CFAP300: variants seen among roughly 807,000 people sequenced by gnomAD.
The protein encoded by CFAP300 is cilia and flagella associated protein 300, also known as cilia- and flagella-associated protein 300.
In CFAP300, 32 loss-of-function variants were observed where a neutral mutation model predicts 33.0. The observed-to-expected ratio is 0.97, with a 90% confidence interval of 0.73 to 1.30. The LOEUF (loss-of-function observed/expected upper bound fraction) is 1.30. CFAP300 is among the 50% of genes most tolerant of loss of function. CFAP300 has a pLI of 0.00. For synonymous variants in CFAP300, 102 were observed against 106.8 expected (o/e 0.95, Z 0.28); for missense variants, 356 against 318.1 (o/e 1.12, Z -0.90).
Position 102,083,186 on chromosome 11 carries a change from G to A in CFAP300, c.791G>A (p.Gly264Glu), listed in dbSNP as rs1241934904. ...GTTTTATACCACTGTTATGGTGTGG[G>A]AGACATGTCTTAATGTTCTTTCAGA... ...LHVLYHCYGV[G>E]DMS Residue 264 changes from glycine (G) to glutamate (E), a missense_variant, in exon 7 of 7, where the codon GGA becomes GAA. Coordinates refer to ENST00000434758, the MANE Select transcript of CFAP300 (RefSeq NM_032930.3). 2 of 1,512,880 alleles carry A rather than the reference G, an allele frequency of 1.3e-6. No individual in the cohort carries two copies. The highest frequency in any genetic ancestry group is 1.8e-6 in the Non-Finnish European group (2 of 1,125,288). 93.7% of individuals were successfully genotyped at this position (1,512,880 alleles called of 1,614,324 possible).
At position 102,075,983 on chromosome 11, in the gene CFAP300, A is replaced by G. The variant is rs767227461; in HGVS notation, c.546A>G (p.Gln182=). 2 of 1,613,842 alleles carry G rather than the reference A, an allele frequency of 1.2e-6. No homozygotes were observed. The highest frequency in any genetic ancestry group is 1.7e-6 in the Non-Finnish European group (2 of 1,179,928). The change falls in exon 5 of 7, where the codon CAA becomes CAG. Residue 182 remains glutamine, a synonymous_variant. Transcript: ENST00000434758. The part of the protein sequence containing the change: ...KHLCLGGALC[Q]YEDVISPYLE... ...TTTGCCTTGGTGGAGCCCTTTGTCA[A>G]TATGAGGATGTGATTAGCCCATATC...
chr11:102,053,532 CAA>C (rs1030501739), intron 2 of CFAP300, among the ~76,000 whole-genome samples: 42 of 151,040 alleles, frequency 2.8e-4, no homozygotes, highest in African/African-American at 9.8e-4. Context: ...GCCTGGGCAA[CAA>C]GAGCAAAACT....
chr11:102,070,092 G>C (rs557904400), intron 4 of CFAP300, among the ~76,000 whole-genome samples: 2 of 152,292 alleles, frequency 1.3e-5, no homozygotes, highest in African/African-American at 4.8e-5. Context: ...TCTTCAGATA[G>C]TTGCAAACAT....
rs1367570483 is a variant in CFAP300, at chr11:102,055,341, G to C, written c.193-3539G>C. ...TATAAATGTATAAAAGTTTTATTTT[G>C]TTTTACCACATGCGTTACTCTTTTT... On this transcript the variant is annotated intron_variant, in intron 2 of 6. Transcript: ENST00000434758. 2.3e-5 allele frequency among the ~76,000 whole-genome samples: 3 copies of C among 130,728 alleles called. No homozygotes were observed. In the East Asian group the frequency reaches 7.2e-4, roughly 32 times the overall value. 85.8% of individuals were successfully genotyped at this position (130,728 alleles called of 152,430 possible).
chr11:102,050,880 C>G (rs765627226), intron 2 of CFAP300, among the ~76,000 whole-genome samples: 1 of 152,154 alleles, frequency 6.6e-6, no homozygotes, highest in Non-Finnish European at 1.5e-5. Context: ...TTAAGACAGA[C>G]TTTAAATGTT....
At chr11:102,067,403 G>T (rs1370108078) in intron 4 of CFAP300, among the ~76,000 whole-genome samples, 4 of 152,012 alleles carry the variant, frequency 2.6e-5, no homozygotes, top group African/African-American at 9.7e-5. Context: ...AGGAGTAAAA[G>T]AATCTTTTTA....
At chr11:102,076,497 T>C (rs1942397231) in intron 5 of CFAP300, among the ~76,000 whole-genome samples, 1 of 152,262 alleles carries the variant, frequency 6.6e-6, no homozygotes, top group African/African-American at 2.4e-5. Flanking sequence ...ATCCCAGTGC[T>C]TATGCAGTTT....
intron 3 of CFAP300, among the ~76,000 whole-genome samples, chr11:102,059,931 A>G (rs910643753): frequency 8.0e-5 from 12 of 150,306 alleles, no homozygotes; most frequent in African/African-American, 2.4e-4. Context: ...GATTACAGTC[A>G]TGGGCCCCCA....
At chr11:102,071,724 A>G (rs1386951704) in intron 4 of CFAP300, among the ~76,000 whole-genome samples, 2 of 152,084 alleles carry the variant, frequency 1.3e-5, no homozygotes, top group Non-Finnish European at 2.9e-5. Flanking sequence ...TTTGCTGGGT[A>G]TAGTATTTTT....
chr11:102,047,972 G>T (rs1941910150), intron 2 of CFAP300, 76 bp downstream of exon 2: 2 of 1,404,976 alleles, frequency 1.4e-6, no homozygotes, highest in South Asian at 2.5e-5. Flanking sequence ...ATAGATTCTT[G>T]TGAACACGCT....
At chr11:102,082,379 C>CA (rs1260646656) in intron 6 of CFAP300, among the ~76,000 whole-genome samples, 3 of 146,766 alleles carry the variant, frequency 2.0e-5, no homozygotes, top group East Asian at 2.0e-4. Context: ...ACTCCAACTC[C>CA]AAAAAAAATT....
intron 4 of CFAP300, 42 bp from the exon 5 acceptor site, chr11:102,075,831 A>G: frequency 2.0e-6 from 3 of 1,466,070 alleles, no homozygotes; most frequent in Non-Finnish European, 2.8e-6. Flanking sequence ...AAAAGTAAAA[A>G]TCTTGAGTTA....
intron 2 of CFAP300, among the ~76,000 whole-genome samples, chr11:102,055,564 G>A (rs894893058): frequency 6.7e-6 from 1 of 149,882 alleles, no homozygotes; most frequent in Non-Finnish European, 1.5e-5. Flanking sequence ...TCACCAGGTT[G>A]CTCAGGCTGG....
chr11:102,050,727 G>A (rs1941955985), intron 2 of CFAP300, among the ~76,000 whole-genome samples: 1 of 152,162 alleles, frequency 6.6e-6, no homozygotes, highest in Admixed American at 6.5e-5. Context: ...CTCTTAAGGC[G>A]GGGCCTGAAA....
At chr11:102,051,112 T>A (rs1431563550) in intron 2 of CFAP300, among the ~76,000 whole-genome samples, 3 of 152,150 alleles carry the variant, frequency 2.0e-5, no homozygotes, top group Admixed American at 1.3e-4. Flanking sequence ...TCTGGCTTGG[T>A]TGACTCGAGT....
intron 3 of CFAP300, 67 bp from the exon 4 acceptor site, chr11:102,066,418 T>G: frequency 8.7e-7 from 1 of 1,143,936 alleles, no homozygotes; most frequent in Non-Finnish European, 1.2e-6. Context: ...GCGATTTATT[T>G]TGGAAATAGT....
intron 2 of CFAP300, among the ~76,000 whole-genome samples, chr11:102,054,000 T>G (rs948799442): frequency 6.6e-6 from 1 of 152,130 alleles, no homozygotes. Context: ...CTGGAACCAG[T>G]TTAGGAGAGC....
At chr11:102,082,149 C>T (rs1005256529) in intron 6 of CFAP300, among the ~76,000 whole-genome samples, 3 of 151,770 alleles carry the variant, frequency 2.0e-5, no homozygotes, top group Admixed American at 1.3e-4. Flanking sequence ...TTTGAGAGGG[C>T]AGATCACTTG....
intron 4 of CFAP300, among the ~76,000 whole-genome samples, chr11:102,068,746 C>A (rs1329079602): frequency 1.3e-5 from 2 of 152,184 alleles, no homozygotes; most frequent in Non-Finnish European, 2.9e-5. Context: ...GAGATCACAC[C>A]ACTGCATTCC....
Sources: allele counts gnomAD v4.1 joint callset (sites outside exome capture counted in the v4.1 genomes callset), GRCh38; gene constraint gnomAD v4.1.1; transcripts MANE v1.5; gene names NCBI Gene and HGNC (gene_info 2026-07-23, HGNC 2026-07-21).